The following BPNT2 variants were observed in gnomAD, a reference collection of about 807,000 sequenced individuals.
The protein encoded by BPNT2 is Golgi-resident adenosine 3',5'-bisphosphate 3'-phosphatase.
Under a neutral mutation model 29.3 loss-of-function variants are expected in BPNT2, and 11 were observed. The observed-to-expected ratio is 0.38, with a 90% CI of 0.24 to 0.62. The LOEUF (loss-of-function observed/expected upper bound fraction) is 0.62. BPNT2 is among the 20% of genes least tolerant of loss of function. The pLI is 0.62. For synonymous variants in BPNT2, 195 were observed against 187.7 expected (o/e 1.04, Z -0.32); for missense variants, 459 against 473.4 (o/e 0.97, Z 0.28).
At chr8:56,971,445 A>G (rs1470428985) in intron 3 of BPNT2, among the ~76,000 whole-genome samples, 1 of 152,126 alleles carries the variant, frequency 6.6e-6, no homozygotes, top group Non-Finnish European at 1.5e-5. Context: ...TTACATCCAG[A>G]TATTTTTCAA....
In BPNT2 at chr8:56,961,011, G is replaced by A. The variant is rs1472234691; in HGVS notation, c.*2782C>T. ...ATCCTGGCTAAGAAAGAAAAGCAGAGATAAAGGAGAACATGAACCGGTAAG... is the reference window on the plus strand; with the variant it reads ...ATCCTGGCTAAGAAAGAAAAGCAGAAATAAAGGAGAACATGAACCGGTAAG... On this transcript the variant is annotated 3_prime_UTR_variant, in exon 5 of 5. Coordinates refer to ENST00000262644, the MANE Select transcript of BPNT2 (RefSeq NM_017813.5). 3 of 152,180 alleles carry A rather than the reference G, an allele frequency of 2.0e-5. No individual in the cohort carries two copies. The highest frequency in any genetic ancestry group is 4.4e-5 in the Non-Finnish European group (3 of 68,062). 9.4% of individuals were successfully genotyped at this position (152,180 alleles called of 1,614,324 possible).
intron 2 of BPNT2, among the ~76,000 whole-genome samples, chr8:56,979,067 A>C (rs749515787): frequency 7.2e-5 from 11 of 152,200 alleles, no homozygotes; most frequent in Non-Finnish European, 1.3e-4. Flanking sequence ...TTGCATTTAG[A>C]GTCAAGACCC....
chr8:56,992,310 T>C (rs1260508490), intron 1 of BPNT2, among the ~76,000 whole-genome samples: 2 of 152,152 alleles, frequency 1.3e-5, no homozygotes, highest in African/African-American at 2.4e-5. Context: ...AGTTAAGATA[T>C]ACGTTAATAA....
At chr8:56,988,499 C>G (rs1468562416) in intron 1 of BPNT2, among the ~76,000 whole-genome samples, 2 of 152,206 alleles carry the variant, frequency 1.3e-5, no homozygotes, top group African/African-American at 4.8e-5. Context: ...TAGTACAGTG[C>G]TTAACACAGA....
intron 1 of BPNT2, among the ~76,000 whole-genome samples, chr8:56,992,166 CCTAA>C (rs1490086152): frequency 1.3e-5 from 2 of 152,142 alleles, no homozygotes; most frequent in Non-Finnish European, 2.9e-5. Context: ...ACAATATTCT[CCTAA>C]CTCTTTCAAG....
rs758221934 is a variant in BPNT2 at position 56,980,063 on chromosome 8, G to C, written c.522C>G (p.Asp174Glu). The part of the protein sequence containing the change: ...VPAESVTVWI[D>E]PLDATQEYTE... ...TATATTCCTGTGTAGCATCAAGTGGGTCAATCCAGACAGTAACACTTTCTG... is the reference window on the plus strand; with the variant it reads ...TATATTCCTGTGTAGCATCAAGTGGCTCAATCCAGACAGTAACACTTTCTG... The change falls in exon 2 of 5, where the codon GAC (aspartate) becomes GAG (glutamate). Residue 174 changes from aspartate (D) to glutamate (E), a missense_variant. Coordinates refer to ENST00000262644, the MANE Select transcript of BPNT2 (RefSeq NM_017813.5). 1 of 1,613,800 alleles carries C rather than the reference G, an allele frequency of 6.2e-7. No individual in the cohort carries two copies. The highest frequency in any genetic ancestry group is 8.5e-7 in the Non-Finnish European group (1 of 1,179,856).
At chr8:56,964,310 A>T (rs957387308) in intron 4 of BPNT2, 4 of 340,726 alleles carry the variant, frequency 1.2e-5, no homozygotes, top group African/African-American at 2.2e-5. Context: ...TTATTTATTT[A>T]TTTTTTGAGA....
At chr8:56,976,104 G>A (rs941433485) in intron 3 of BPNT2, among the ~76,000 whole-genome samples, 1 of 152,150 alleles carries the variant, frequency 6.6e-6, no homozygotes, top group African/African-American at 2.4e-5. Context: ...GAGGTGAAGA[G>A]ATGCATGTTT....
intron 3 of BPNT2, among the ~76,000 whole-genome samples, chr8:56,968,232 A>G (rs1027491518): frequency 3.3e-5 from 5 of 152,094 alleles, no homozygotes; most frequent in Non-Finnish European, 7.4e-5. Context: ...GAAACTGAAT[A>G]AAAAGAAAAG....
In BPNT2 at chr8:56,963,741, C is replaced by T; in HGVS notation, c.*52G>A. ...ACCAATCCTTTGAAGCTTCCAGCAT[C>T]TCAGGCTAACCATTTCAGCTGTGAA... On this transcript the variant is annotated 3_prime_UTR_variant, in exon 5 of 5. Transcript: ENST00000262644. 6.2e-7 allele frequency: 1 copy of T among 1,603,660 alleles called. No individual in the cohort carries two copies. The highest frequency in any genetic ancestry group is 8.5e-7 in the Non-Finnish European group (1 of 1,171,266).
At chr8:56,985,045 C>CA (rs1806307421) in intron 1 of BPNT2, among the ~76,000 whole-genome samples, 1 of 151,954 alleles carries the variant, frequency 6.6e-6, no homozygotes, top group Non-Finnish European at 1.5e-5. Flanking sequence ...GAGACTGCCT[C>CA]AAAGTGGCCT....
intron 1 of BPNT2, among the ~76,000 whole-genome samples, chr8:56,987,980 G>T (rs549622272): frequency 2.0e-5 from 3 of 151,842 alleles, no homozygotes; most frequent in Admixed American, 2.0e-4. Flanking sequence ...CACCCGCCTC[G>T]GCCTCCCAAA....
intron 2 of BPNT2, among the ~76,000 whole-genome samples, chr8:56,978,753 T>C (rs1200414217): frequency 2.0e-5 from 3 of 151,838 alleles, no homozygotes; most frequent in Non-Finnish European, 4.4e-5. Context: ...GGGGCATGGA[T>C]GGAGCTGGAG....
intron 1 of BPNT2, 31 bp downstream of exon 1, chr8:56,993,168 T>C (rs769330288): frequency 1.3e-6 from 2 of 1,579,860 alleles, no homozygotes; most frequent in Non-Finnish European, 1.7e-6. Context: ...GCTACCCGGC[T>C]CGAGTGGGCG....
intron 3 of BPNT2, among the ~76,000 whole-genome samples, chr8:56,977,650 T>C (rs1806164123): frequency 6.6e-6 from 1 of 151,952 alleles, no homozygotes; most frequent in Non-Finnish European, 1.5e-5. Flanking sequence ...GAGGTCACAC[T>C]AGAGTAGGGT....
At position 56,964,038 on chromosome 8, in the gene BPNT2, C is replaced by T. The variant is rs781380828; in HGVS notation, c.835G>A (p.Val279Met). Residue 279 changes from valine to methionine, a missense_variant, in exon 5 of 5, where the codon GTG becomes ATG. Val to Met is a conservative substitution (Grantham distance 21, BLOSUM62 1). Transcript: ENST00000262644. ...GCTTTTTCTTGACTCTTATCAGGCA[C>T]ATCCAAAAGTGCTAAAACTTTATAA... ...AGYKVLALLD[V>M]PDKSQEKADL... is the part of the protein sequence containing the mutation. 18 of 1,600,516 alleles carry T rather than the reference C, an allele frequency of 1.1e-5. No individual in the cohort carries two copies. The highest frequency in any genetic ancestry group is 1.7e-6 in the Non-Finnish European group (2 of 1,171,402).
intron 4 of BPNT2, among the ~76,000 whole-genome samples, chr8:56,964,679 G>T (rs1460966104): frequency 6.6e-6 from 1 of 152,052 alleles, no homozygotes; most frequent in Admixed American, 6.5e-5. Context: ...TCTACATTGT[G>T]GTTATTTTCT....
intron 3 of BPNT2, among the ~76,000 whole-genome samples, chr8:56,970,366 G>C (rs1193767722): frequency 6.6e-6 from 1 of 152,102 alleles, no homozygotes; most frequent in Non-Finnish European, 1.5e-5. Context: ...CTTTTTATAA[G>C]AGGATATAAA....
At chr8:56,969,070 G>A (rs1007438640) in intron 3 of BPNT2, among the ~76,000 whole-genome samples, 4 of 152,162 alleles carry the variant, frequency 2.6e-5, no homozygotes, top group Admixed American at 1.3e-4. Flanking sequence ...ACAATGTCTG[G>A]AGCCACCAGA....
Sources: gnomAD v4.1 joint callset for allele counts (sites outside exome capture counted in the v4.1 genomes callset) on GRCh38, gnomAD v4.1.1 for gene constraint, MANE v1.5 for transcripts, NCBI Gene and HGNC (gene_info 2026-07-23, HGNC 2026-07-21) for gene names.